Variants in NNMT observed in about 807,000 individuals in gnomAD.
NNMT encodes nicotinamide N-methyltransferase.
In NNMT, 10 loss-of-function variants were observed where a neutral mutation model predicts 11.7. The ratio of observed to expected loss-of-function variants is 0.85; its 90% CI spans 0.53 to 1.45. The LOEUF is 1.45. Among genes scored for constraint, NNMT ranks in the 40% most tolerant of loss-of-function variants. The pLI, the probability that NNMT is intolerant of heterozygous loss-of-function variation, is 0.00. For synonymous variants in NNMT, 143 were observed against 133.8 expected (o/e 1.07, Z -0.48); for missense variants, 381 against 319.4 (o/e 1.19, Z -1.47).
intron 2 of NNMT, among the ~76,000 whole-genome samples, chr11:114,285,315 G>A (rs958934689): frequency 1.3e-5 from 2 of 152,212 alleles, no homozygotes; most frequent in African/African-American, 4.8e-5. Context: ...AGGGCACACT[G>A]TGAGAACCAG....
intron 2 of NNMT, among the ~76,000 whole-genome samples, chr11:114,288,971 T>A (rs1945317229): frequency 6.6e-6 from 1 of 152,138 alleles, no homozygotes; most frequent in Non-Finnish European, 1.5e-5. Context: ...TCTCTTTTTG[T>A]ATTCTCTGAG....
intron 2 of NNMT, among the ~76,000 whole-genome samples, chr11:114,282,798 G>T (rs960492713): frequency 6.6e-6 from 1 of 152,092 alleles, no homozygotes; most frequent in Non-Finnish European, 1.5e-5. Flanking sequence ...GACCACTGGG[G>T]GAGTACCCTT....
intron 2 of NNMT, among the ~76,000 whole-genome samples, chr11:114,265,406 T>A (rs1945112235): frequency 6.6e-6 from 1 of 152,168 alleles, no homozygotes; most frequent in African/African-American, 2.4e-5. Flanking sequence ...GCTCACCCCA[T>A]CATCTTCTTC....
chr11:114,274,335 T>G (rs975195823), intron 2 of NNMT, among the ~76,000 whole-genome samples: 1 of 152,268 alleles, frequency 6.6e-6, no homozygotes, highest in African/African-American at 2.4e-5. Context: ...GAGGCCACCA[T>G]TATCAGCTCC....
intron 2 of NNMT, among the ~76,000 whole-genome samples, chr11:114,286,706 G>A (rs552274956): frequency 6.6e-6 from 1 of 152,236 alleles, no homozygotes; most frequent in South Asian, 2.1e-4. Context: ...CTTTTAGGTT[G>A]TTTCTAGTTG....
At chr11:114,304,968 C>T (rs1010346781) in intron 2 of NNMT, among the ~76,000 whole-genome samples, 6 of 152,290 alleles carry the variant, frequency 3.9e-5, no homozygotes, top group African/African-American at 1.4e-4. Context: ...GAGCTCTTTC[C>T]TTAAGAAATT....
At chr11:114,260,219 G>A (rs1006899576) in intron 1 of NNMT, among the ~76,000 whole-genome samples, 1 of 152,180 alleles carries the variant, frequency 6.6e-6, no homozygotes, top group Non-Finnish European at 1.5e-5. Context: ...ATAGCTGGTA[G>A]GTGGTATCTC....
At chr11:114,265,326 C>T (rs780469214) in intron 2 of NNMT, among the ~76,000 whole-genome samples, 3 of 152,202 alleles carry the variant, frequency 2.0e-5, no homozygotes, top group African/African-American at 4.8e-5. Flanking sequence ...TTCTACATAA[C>T]TGACTTGCTC....
At chr11:114,306,635 G>C (rs890064949) in intron 2 of NNMT, among the ~76,000 whole-genome samples, 1 of 152,054 alleles carries the variant, frequency 6.6e-6, no homozygotes, top group Non-Finnish European at 1.5e-5. Flanking sequence ...TTTTTGTCAG[G>C]TTTGTCAAAG....
At chr11:114,283,056 C>T (rs1245246300) in intron 2 of NNMT, among the ~76,000 whole-genome samples, 1 of 152,238 alleles carries the variant, frequency 6.6e-6, no homozygotes, top group East Asian at 1.9e-4. Flanking sequence ...TACAGGGAAC[C>T]TCATGCACTG....
chr11:114,307,400 C>T (rs971890259), intron 2 of NNMT, among the ~76,000 whole-genome samples: 1 of 152,148 alleles, frequency 6.6e-6, no homozygotes, highest in African/African-American at 2.4e-5. Flanking sequence ...CAAGCTCTGT[C>T]CATTTTACTT....
chr11:114,286,340 GAGCACTGGTT>G (rs1263066374), intron 2 of NNMT, among the ~76,000 whole-genome samples: 1 of 152,124 alleles, frequency 6.6e-6, no homozygotes, highest in Non-Finnish European at 1.5e-5. Context: ...TAAAATGCAT[GAGCACTGGTT>G]AGCATTGCAG....
rs969223327 is a variant in NNMT, at chr11:114,313,230, G to C, written c.*753G>C. 2 of 152,228 alleles carry C rather than the reference G, an allele frequency of 1.3e-5. No individual in the cohort carries two copies. The highest frequency in any genetic ancestry group is 4.8e-5 in the African/African-American group (2 of 41,448). The allele number at this position is 152,228 out of a possible 1,614,324, so 9.4% of individuals were successfully genotyped here. ...ACTGTGGCTCATGCCTGTAATCCCA[G>C]CGCTTTGGGAGGCTGAGGCAGACAG... On this transcript the variant is annotated 3_prime_UTR_variant, in exon 3 of 3. Coordinates refer to ENST00000299964, the MANE Select transcript of NNMT (RefSeq NM_006169.3).
chr11:114,300,596 C>A (rs1945429032), intron 2 of NNMT, among the ~76,000 whole-genome samples: 1 of 16,058 alleles, frequency 6.2e-5, no homozygotes, highest in African/African-American at 8.6e-5. Flanking sequence ...TTTACTTTCT[C>A]TGTCAATTAC....
intron 2 of NNMT, among the ~76,000 whole-genome samples, chr11:114,301,965 G>A (rs1591837807): frequency 6.6e-6 from 1 of 151,900 alleles, no homozygotes; most frequent in Admixed American, 6.6e-5. Context: ...AGAGAAATAA[G>A]TGTTTGTCAT....
chr11:114,290,604 A>C (rs1452274539), intron 2 of NNMT, among the ~76,000 whole-genome samples: 1 of 152,148 alleles, frequency 6.6e-6, no homozygotes, highest in African/African-American at 2.4e-5. Context: ...TTTTAACCAC[A>C]CAAGGCATTA....
At chr11:114,306,333 G>A (rs1945491921) in intron 2 of NNMT, among the ~76,000 whole-genome samples, 1 of 152,082 alleles carries the variant, frequency 6.6e-6, no homozygotes, top group Admixed American at 6.6e-5. Flanking sequence ...TCTTTTGCTG[G>A]CAGAAGCTCT....
chr11:114,275,925 C>T (rs534391064), intron 2 of NNMT, among the ~76,000 whole-genome samples: 35 of 152,072 alleles, frequency 2.3e-4, no homozygotes, highest in Non-Finnish European at 4.6e-4. Context: ...ATGAGGTAAG[C>T]TTGACCCAGC....
At chr11:114,267,752 GTGT>G (rs1329590158) in intron 2 of NNMT, among the ~76,000 whole-genome samples, 3 of 151,936 alleles carry the variant, frequency 2.0e-5, no homozygotes, top group African/African-American at 4.8e-5. Flanking sequence ...CCCAGACATC[GTGT>G]TGTTTCACCA....
Sources: allele counts gnomAD v4.1 joint callset (sites outside exome capture counted in the v4.1 genomes callset), GRCh38; gene constraint gnomAD v4.1.1; transcripts MANE v1.5; gene names NCBI Gene and HGNC (gene_info 2026-07-23, HGNC 2026-07-21).